Variants in PIWIL4 observed in about 807,000 individuals in gnomAD.
PIWIL4 encodes piwi like RNA-mediated gene silencing 4.
In PIWIL4, 50 loss-of-function variants were observed where a neutral mutation model predicts 100.9. That is an observed-to-expected ratio of 0.50 (90% confidence interval 0.39 to 0.63). PIWIL4 has a LOEUF of 0.63. Among genes scored for constraint, PIWIL4 ranks in the 20% least tolerant of loss-of-function variants. The pLI, the probability that PIWIL4 is intolerant of heterozygous loss-of-function variation, is 0.00. For missense variants in PIWIL4, 887 were observed against 1,043.3 expected (o/e 0.85, Z 2.06); for synonymous variants, 342 against 367.5 (o/e 0.93, Z 0.79).
At chr11:94,594,657 C>T (rs1392799729) in intron 9 of PIWIL4, among the ~76,000 whole-genome samples, 7 of 151,834 alleles carry the variant, frequency 4.6e-5, no homozygotes, top group Non-Finnish European at 7.4e-5. Flanking sequence ...CTCTGCCTCC[C>T]GAGTAGCTGG....
rs201952078 is a variant in PIWIL4 at position 94,595,396 on chromosome 11, G to T, written c.1238G>T (p.Arg413Leu). 1 of 1,613,786 alleles carries T rather than the reference G, an allele frequency of 6.2e-7. No individual in the cohort carries two copies. Among genetic ancestry groups the T allele is most frequent in the Non-Finnish European group, 8.5e-7 (1 of 1,179,824 alleles). The change falls in exon 10 of 20, where the codon CGC becomes CTC. Residue 413 changes from arginine to leucine, a missense_variant. Coordinates refer to ENST00000299001, the MANE Select transcript of PIWIL4 (RefSeq NM_152431.3). ...CTCAGTCCTTCAGGCCGGCAGCAGCGCCTGGCCAGGCTTGTGGACAACATC... is the reference window on the plus strand; with the variant it reads ...CTCAGTCCTTCAGGCCGGCAGCAGCTCCTGGCCAGGCTTGTGGACAACATC... ...TRLSPSGRQQRLARLVDNIQR... is the reference protein window; with the variant it reads ...TRLSPSGRQQLLARLVDNIQR...
At chr11:94,616,647 G>A (rs1368515659) in intron 16 of PIWIL4, 84 bp downstream of exon 16, 1 of 1,114,978 alleles carries the variant, frequency 9.0e-7, no homozygotes, top group Non-Finnish European at 1.3e-6. Flanking sequence ...AGACCACATA[G>A]GTCAGAGCAA....
chr11:94,567,660 C>A lies in PIWIL4; in HGVS notation c.87+55C>A, dbSNP rs73521558. The A allele has an allele frequency of 5.1e-3, 7,683 of 1,492,272 alleles. 392 individuals are homozygous for A. In the African/African-American group the frequency reaches 0.095, roughly 18 times the overall value. 92.4% of individuals were successfully genotyped at this position (1,492,272 alleles called of 1,614,324 possible). On this transcript the variant is annotated intron_variant, in intron 1 of 19. Coordinates refer to ENST00000299001, the MANE Select transcript of PIWIL4 (RefSeq NM_152431.3). ...CGTTTTCTCCTACCTCTGTCTCTAG[C>A]CTGAACAATGCCTTCCTCTGCATGT...
Position 94,585,878 on chromosome 11 carries a change from C to T in PIWIL4, c.716+353C>T, listed in dbSNP as rs144142106. On this transcript the variant is annotated intron_variant, in intron 6 of 19. Coordinates refer to ENST00000299001, the MANE Select transcript of PIWIL4 (RefSeq NM_152431.3). ...TTGACATGAAATTGGCAGGGCAGCGCGGGTCAGAAAGAGAAGCCAACCAAA... is the reference window on the plus strand; with the variant it reads ...TTGACATGAAATTGGCAGGGCAGCGTGGGTCAGAAAGAGAAGCCAACCAAA... Among the ~76,000 whole-genome samples the T allele has an allele frequency of 1.2e-3, 175 of 152,144 alleles. 2 individuals carry two copies. The highest frequency in any genetic ancestry group is 4.1e-3 in the African/African-American group (171 of 41,476).
At chr11:94,582,995 G>A (rs1591782192) in intron 4 of PIWIL4, among the ~76,000 whole-genome samples, 1 of 151,784 alleles carries the variant, frequency 6.6e-6, no homozygotes, top group African/African-American at 2.4e-5. Flanking sequence ...TGAATACCCT[G>A]AAAATGGGTA....
At chr11:94,594,716 G>A (rs1048280041) in intron 9 of PIWIL4, among the ~76,000 whole-genome samples, 1 of 151,992 alleles carries the variant, frequency 6.6e-6, no homozygotes, top group African/African-American at 2.4e-5. Context: ...ATTTTTAGTA[G>A]AGACGGGGTT....
At chr11:94,585,405 G>T in intron 5 of PIWIL4, 40 bp from the exon 6 acceptor site, 2 of 1,409,586 alleles carry the variant, frequency 1.4e-6, no homozygotes, top group South Asian at 2.4e-5. Context: ...CACTGTTACT[G>T]ACTGATATTT....
chr11:94,618,082 G>A lies in PIWIL4; in HGVS notation c.2143G>A (p.Val715Met), dbSNP rs1948865621. Residue 715 changes from valine (V) to methionine (M), a missense_variant, in exon 17 of 20, where the codon GTG becomes ATG. Transcript: ENST00000299001. ...TGAAGTCCCACAGCTGCTGAGCAGT[G>A]TGGCAGAATCCAGCTCAAATACCAG... ...EYEVPQLLSSVAESSSNTSSR... is the reference protein window; with the variant it reads ...EYEVPQLLSSMAESSSNTSSR... 6.3e-7 allele frequency: 1 copy of A among 1,584,106 alleles called. No individual in the cohort carries two copies. Among genetic ancestry groups the A allele is most frequent in the Non-Finnish European group, 8.6e-7 (1 of 1,162,246 alleles).
chr11:94,581,218 A>G (rs893411706), intron 4 of PIWIL4, among the ~76,000 whole-genome samples: 4 of 152,164 alleles, frequency 2.6e-5, no homozygotes, highest in Non-Finnish European at 5.9e-5. Flanking sequence ...TCTTTATAGC[A>G]TGATCTCATT....
intron 15 of PIWIL4, 78 bp from the exon 16 acceptor site, chr11:94,616,412 TTTC>T (rs1474362282): frequency 2.5e-6 from 3 of 1,206,580 alleles, no homozygotes; most frequent in Non-Finnish European, 3.5e-6. Context: ...ATAATCTCTG[TTTC>T]TTAATTTAAT....
At chr11:94,599,201 T>C (rs765483593) in intron 11 of PIWIL4, among the ~76,000 whole-genome samples, 2 of 152,232 alleles carry the variant, frequency 1.3e-5, no homozygotes, top group East Asian at 1.9e-4. Context: ...GAAGGACTTA[T>C]GTACTTAAAA....
chr11:94,601,578 C>A (rs904722366), intron 11 of PIWIL4, among the ~76,000 whole-genome samples: 1 of 152,224 alleles, frequency 6.6e-6, no homozygotes, highest in African/African-American at 2.4e-5. Context: ...CAAGGGCCAC[C>A]AGTGCCTGGA....
chr11:94,619,479 G>A (rs939120361), intron 17 of PIWIL4, among the ~76,000 whole-genome samples: 4 of 152,188 alleles, frequency 2.6e-5, no homozygotes, highest in Admixed American at 6.5e-5. Context: ...TTTCGCAAAA[G>A]TGCCAGTTGA....
At position 94,587,391 on chromosome 11, in the gene PIWIL4, G is replaced by C. The variant is rs1029018591; in HGVS notation, c.914+144G>C. 3.2e-5 allele frequency: 29 copies of C among 908,612 alleles called. 1 individual carries two copies. The East Asian group carries it at 6.6e-4, about 21-fold the overall frequency. The allele number at this position is 908,612 out of a possible 1,614,324, so 56.3% of individuals were successfully genotyped here. A position where few individuals can be genotyped will look rare whatever the true frequency, so the allele number is the denominator to read the frequency against. ...GTTTAGAAGACCTGGTTGTTTTGCTGTCTGGAGTTCACATGTCCTTGTGTG... is the reference window on the plus strand; with the variant it reads ...GTTTAGAAGACCTGGTTGTTTTGCTCTCTGGAGTTCACATGTCCTTGTGTG... On this transcript the variant is annotated intron_variant, in intron 7 of 19. Coordinates refer to ENST00000299001, the MANE Select transcript of PIWIL4 (RefSeq NM_152431.3).
At chr11:94,591,963 G>A (rs1250694017) in intron 8 of PIWIL4, among the ~76,000 whole-genome samples, 1 of 151,374 alleles carries the variant, frequency 6.6e-6, no homozygotes, top group Non-Finnish European at 1.5e-5. Flanking sequence ...CCATGCTCCA[G>A]CTAGAGTCCT....
intron 4 of PIWIL4, among the ~76,000 whole-genome samples, chr11:94,583,117 AT>A (rs2135253112): frequency 6.6e-6 from 1 of 151,958 alleles, no homozygotes; most frequent in Non-Finnish European, 1.5e-5. Flanking sequence ...GACTCTCAAA[AT>A]AATTTGTGAC....
At chr11:94,617,875 ACACTG>A in intron 16 of PIWIL4, 74 bp from the exon 17 acceptor site, 1 of 1,487,584 alleles carries the variant, frequency 6.7e-7, no homozygotes, top group Non-Finnish European at 9.4e-7. Flanking sequence ...ACCCATTTAA[ACACTG>A]CAATATATGG....
intron 13 of PIWIL4, among the ~76,000 whole-genome samples, chr11:94,604,490 A>T (rs1449946782): frequency 5.3e-5 from 8 of 152,290 alleles, no homozygotes; most frequent in African/African-American, 1.7e-4. Flanking sequence ...CATTTCAGAG[A>T]GGACCACTTC....
At position 94,618,018 on chromosome 11, in the gene PIWIL4, T is replaced by C. The variant is rs574614281; in HGVS notation, c.2079T>C (p.Ala693=). ...DLPARIIVYR[A]GVGDGQLKTL... ...CAGCACGGATAATTGTGTACCGTGC[T>C]GGTGTAGGGGATGGTCAGCTGAAAA... Residue 693 remains alanine, a synonymous_variant, in exon 17 of 20, where the codon GCT becomes GCC. Coordinates refer to ENST00000299001, the MANE Select transcript of PIWIL4 (RefSeq NM_152431.3). The C allele has an allele frequency of 2.7e-5, 44 of 1,612,508 alleles. No individual in the cohort carries two copies. In the East Asian group the frequency reaches 6.5e-4, roughly 24 times the overall value.
Sources: allele counts gnomAD v4.1 joint callset (sites outside exome capture counted in the v4.1 genomes callset), GRCh38; gene constraint gnomAD v4.1.1; transcripts MANE v1.5; gene names NCBI Gene and HGNC (gene_info 2026-07-23, HGNC 2026-07-21).